The following CNTNAP2 variants were observed in gnomAD, a reference collection of about 807,000 sequenced individuals.
CNTNAP2 encodes the protein contactin associated protein 2.
CNTNAP2 carries 98 observed loss-of-function variants against 155.2 expected under a neutral mutation model. The ratio of observed to expected loss-of-function variants is 0.63; its 90% CI spans 0.54 to 0.75. The LOEUF is 0.75. CNTNAP2 is among the 30% of genes least tolerant of loss of function. CNTNAP2 has a pLI of 0.00. For missense variants in CNTNAP2, 1,727 were observed against 1,688.1 expected (o/e 1.02, Z -0.40); for synonymous variants, 651 against 631.2 (o/e 1.03, Z -0.47).
At chr7:146,815,605 A>T (rs1258393257) in intron 2 of CNTNAP2, among the ~76,000 whole-genome samples, 2 of 152,146 alleles carry the variant, frequency 1.3e-5, no homozygotes, top group Non-Finnish European at 2.9e-5. Context: ...AATTGGGTAG[A>T]ATATGGAGTG....
intron 8 of CNTNAP2, among the ~76,000 whole-genome samples, chr7:147,227,220 A>G (rs572644250): frequency 2.2e-4 from 34 of 152,198 alleles, no homozygotes; most frequent in Admixed American, 3.9e-4. Flanking sequence ...GATGCCCTGC[A>G]TGGTCCAAGA....
chr7:146,830,308 G>A (rs115772512), intron 2 of CNTNAP2, among the ~76,000 whole-genome samples: 1 of 151,966 alleles, frequency 6.6e-6, no homozygotes, highest in Non-Finnish European at 1.5e-5. Context: ...AATTTATTGT[G>A]GGGGAAAAGG....
At chr7:146,580,471 T>A (rs1374250450) in intron 1 of CNTNAP2, among the ~76,000 whole-genome samples, 31 of 50,934 alleles carry the variant, frequency 6.1e-4, no homozygotes, top group Non-Finnish European at 1.1e-3. Context: ...TTATCCCCAA[T>A]TAAAAAAAAA....
chr7:146,300,845 T>C (rs2129088298), intron 1 of CNTNAP2, among the ~76,000 whole-genome samples: 1 of 152,302 alleles, frequency 6.6e-6, no homozygotes, highest in Non-Finnish European at 1.5e-5. Context: ...CGTACATTGA[T>C]GTTAACTCTC....
chr7:146,424,873 T>C (rs1426955095), intron 1 of CNTNAP2, among the ~76,000 whole-genome samples: 1 of 152,172 alleles, frequency 6.6e-6, no homozygotes, highest in Non-Finnish European at 1.5e-5. Flanking sequence ...TTCTACCCTA[T>C]GTAGTCATTA....
chr7:146,318,289 TAAA>T (rs1800944567), intron 1 of CNTNAP2, among the ~76,000 whole-genome samples: 1 of 152,152 alleles, frequency 6.6e-6, no homozygotes, highest in Admixed American at 6.6e-5. Flanking sequence ...TTTAAAATAA[TAAA>T]GTGTTGAGAA....
rs547386271 is a variant in CNTNAP2, at chr7:146,364,944, T to C, written c.97+247971T>C. On this transcript the variant is annotated intron_variant, in intron 1 of 23. Transcript: ENST00000361727. ...TATTTCTTCCCAATGTAATCGTTTT[T>C]TAATCTTCAATTTTTTTCTTATAAA... is the stretch of plus-strand genomic sequence containing the variant. Among the ~76,000 whole-genome samples, 221 of 151,698 alleles carry C rather than the reference T, an allele frequency of 1.5e-3. 1 individual carries two copies. Among genetic ancestry groups the C allele is most frequent in the African/African-American group, 5.2e-3 (214 of 40,946 alleles).
At chr7:146,947,022 A>C (rs1028164074) in intron 3 of CNTNAP2, among the ~76,000 whole-genome samples, 2 of 151,826 alleles carry the variant, frequency 1.3e-5, no homozygotes, top group Admixed American at 1.3e-4. Flanking sequence ...TAAAAATATC[A>C]ATTTATTTAT....
chr7:148,330,963 GGATGGATAGAGTA>G (rs1275462910), intron 21 of CNTNAP2, among the ~76,000 whole-genome samples: 4 of 145,144 alleles, frequency 2.8e-5, no homozygotes, highest in South Asian at 2.2e-4. Flanking sequence ...TGGATAGAGT[GGATGGATAGAGTA>G]GATGGATGGA....
intron 20 of CNTNAP2, among the ~76,000 whole-genome samples, chr7:148,241,995 C>G (rs534959888): frequency 6.6e-6 from 1 of 152,210 alleles, no homozygotes; most frequent in Non-Finnish European, 1.5e-5. Context: ...CTCTTTCTTT[C>G]TCCAGAATAC....
At chr7:148,124,737 G>A (rs1345678474) in intron 16 of CNTNAP2, among the ~76,000 whole-genome samples, 1 of 152,196 alleles carries the variant, frequency 6.6e-6, no homozygotes, top group Non-Finnish European at 1.5e-5. Flanking sequence ...GGAAATGAGA[G>A]CATAGAGTTG....
chr7:146,760,100 C>T (rs940702853), intron 1 of CNTNAP2, among the ~76,000 whole-genome samples: 1 of 152,060 alleles, frequency 6.6e-6, no homozygotes, highest in African/African-American at 2.4e-5. Context: ...TAGTCAAAAA[C>T]ATGAGTTCAA....
intron 10 of CNTNAP2, among the ~76,000 whole-genome samples, chr7:147,428,805 T>G (rs1376172411): frequency 6.6e-6 from 1 of 152,132 alleles, no homozygotes; most frequent in Non-Finnish European, 1.5e-5. Flanking sequence ...AGTAGTTTTT[T>G]GGGAACAGGT....
chr7:146,593,923 C>T lies in CNTNAP2; in HGVS notation c.98-180348C>T, dbSNP rs138879816. 4.8e-3 allele frequency among the ~76,000 whole-genome samples: 733 copies of T among 152,206 alleles called. 4 individuals carry two copies. The highest frequency in any genetic ancestry group is 6.6e-3 in the Non-Finnish European group (449 of 68,008). On this transcript the variant is annotated intron_variant, in intron 1 of 23. Coordinates refer to ENST00000361727, the MANE Select transcript of CNTNAP2 (RefSeq NM_014141.6). ...AAGACTCTTGCAGAGTTAGTTTAGC[C>T]AGGTTCTCCCATGCTTCATATCTGA... is the stretch of plus-strand genomic sequence containing the variant.
At chr7:148,358,673 C>T (rs1798564214) in intron 21 of CNTNAP2, among the ~76,000 whole-genome samples, 1 of 151,806 alleles carries the variant, frequency 6.6e-6, no homozygotes. Flanking sequence ...AGATATTCTG[C>T]TTTCAAGCGC....
chr7:147,976,575 G>A (rs923890719), intron 14 of CNTNAP2, among the ~76,000 whole-genome samples: 4 of 152,070 alleles, frequency 2.6e-5, no homozygotes, highest in South Asian at 2.1e-4. Flanking sequence ...AAATAACTAA[G>A]GCAGTATATA....
intron 10 of CNTNAP2, among the ~76,000 whole-genome samples, chr7:147,417,429 A>C (rs75013371): frequency 0.015 from 2,259 of 152,174 alleles, 27 homozygotes; most frequent in Non-Finnish European, 0.023. Context: ...TTCTTTTTTT[A>C]AATAACAGCA....
At chr7:146,403,992 G>A (rs565293731) in intron 1 of CNTNAP2, among the ~76,000 whole-genome samples, 37 of 150,780 alleles carry the variant, frequency 2.5e-4, no homozygotes, top group African/African-American at 8.5e-4. Flanking sequence ...GGGCGTAGTG[G>A]CGGGCGCCTG....
intron 1 of CNTNAP2, among the ~76,000 whole-genome samples, chr7:146,229,496 A>G (rs527815540): frequency 6.6e-6 from 1 of 152,302 alleles, no homozygotes; most frequent in East Asian, 1.9e-4. Flanking sequence ...TGCCTTTTAG[A>G]GAGACCTTGA....
Sources: allele counts gnomAD v4.1 joint callset (sites outside exome capture counted in the v4.1 genomes callset), GRCh38; gene constraint gnomAD v4.1.1; transcripts MANE v1.5; gene names NCBI Gene and HGNC (gene_info 2026-07-23, HGNC 2026-07-21).